Variants in ASAH1 observed in about 807,000 individuals in gnomAD.
ASAH1 encodes N-acylsphingosine amidohydrolase 1, also known as acid ceramidase.
Under a neutral mutation model 59.5 loss-of-function variants are expected in ASAH1, and 70 were observed. The observed-to-expected ratio is 1.18, with a 90% CI of 0.97 to 1.43. The LOEUF is 1.43. Ranked by LOEUF, ASAH1 falls within the 40% of genes most tolerant of loss-of-function variation. The probability of loss-of-function intolerance (pLI) is 0.00; values close to 1 mark genes in which losing one functional copy is unlikely to be tolerated. For missense variants in ASAH1, 660 were observed against 482.5 expected (o/e 1.37, Z -3.45); for synonymous variants, 213 against 166.5 (o/e 1.28, Z -2.15).
chr8:18,077,094 C>T (rs1039431838), intron 1 of ASAH1, among the ~76,000 whole-genome samples: 1 of 152,204 alleles, frequency 6.6e-6, no homozygotes, highest in Non-Finnish European at 1.5e-5. Context: ...AACTTTACAG[C>T]TAGCAAGCTA....
chr8:18,070,006 C>T (rs1800095210), intron 3 of ASAH1, 128 bp from the exon 4 acceptor site: 3 of 617,452 alleles, frequency 4.9e-6, no homozygotes, highest in Non-Finnish European at 8.2e-6. Context: ...TTTAAAACAG[C>T]ATCTCGCTCT....
intron 2 of ASAH1, among the ~76,000 whole-genome samples, chr8:18,071,703 C>T (rs1800185123): frequency 8.1e-6 from 1 of 123,524 alleles, no homozygotes; most frequent in South Asian, 2.8e-4. Flanking sequence ...AAATACCTGC[C>T]ATTTTTTTTT....
At chr8:18,073,687 G>A (rs974165744) in intron 2 of ASAH1, among the ~76,000 whole-genome samples, 4 of 152,206 alleles carry the variant, frequency 2.6e-5, no homozygotes, top group Non-Finnish European at 5.9e-5. Flanking sequence ...GCCCATGGAT[G>A]CTGCCCAAAT....
At chr8:18,074,813 C>T (rs1192338611) in intron 2 of ASAH1, among the ~76,000 whole-genome samples, 2 of 152,148 alleles carry the variant, frequency 1.3e-5, no homozygotes, top group Non-Finnish European at 2.9e-5. Context: ...TTTGTTGTGC[C>T]AAGGTTTATT....
chr8:18,076,701 G>C (rs1168536632), intron 1 of ASAH1: 1 of 152,146 alleles, frequency 6.6e-6, no homozygotes, highest in African/African-American at 2.4e-5. Context: ...ACTGTAGCTT[G>C]AGCTCAGAAA....
At chr8:18,078,974 C>G (rs1361089439) in intron 1 of ASAH1, among the ~76,000 whole-genome samples, 2 of 152,020 alleles carry the variant, frequency 1.3e-5, no homozygotes, top group Non-Finnish European at 2.9e-5. Context: ...TCTGATATTT[C>G]AATGCATTTG....
chr8:18,057,690 A>G (rs1799530501), intron 13 of ASAH1, 67 bp from the exon 14 acceptor site: 3 of 1,088,230 alleles, frequency 2.8e-6, no homozygotes, highest in Admixed American at 2.1e-5. Flanking sequence ...ATATATTAGC[A>G]TTTCTATACT....
At chr8:18,080,801 G>A (rs1462056734) in intron 1 of ASAH1, among the ~76,000 whole-genome samples, 1 of 152,096 alleles carries the variant, frequency 6.6e-6, no homozygotes, top group Non-Finnish European at 1.5e-5. Context: ...CACGTGATCT[G>A]CCCACCTTGG....
At position 18,071,289 on chromosome 8, in the gene ASAH1, T is replaced by G; in HGVS notation, c.216+11A>C. 1 of 1,489,156 alleles carries G rather than the reference T, an allele frequency of 6.7e-7. No homozygotes were observed. The highest frequency in any genetic ancestry group is 2.3e-5 in the East Asian group (1 of 43,792). 92.2% of individuals were successfully genotyped at this position (1,489,156 alleles called of 1,614,324 possible). A position where few individuals can be genotyped will look rare whatever the true frequency, so the allele number is the denominator to read the frequency against. On this transcript the variant is annotated intron_variant, in intron 3 of 13. Coordinates refer to ENST00000637790, the MANE Select transcript of ASAH1 (RefSeq NM_177924.5). ...AATAAAGAAATAAAAGATTTAAGCA[T>G]CATAGCATACCACTGGTGCCTTGTC...
At chr8:18,058,367 T>C (rs543462053) in intron 13 of ASAH1, 170 of 163,418 alleles carry the variant, frequency 1.0e-3, no homozygotes, top group Non-Finnish European at 1.6e-3. Context: ...CAGGGAATGA[T>C]TGTTAGCGAG....
In ASAH1 at chr8:18,062,105, T is replaced by C. The variant is rs930944975; in HGVS notation, c.648+174A>G. The stretch of plus-strand genomic sequence containing the variant: ...AAGAGGCTCAGAAACCTCCGTTTCC[T>C]TTCTACTCTTCTCTACCACGAGATC... On this transcript the variant is annotated intron_variant, in intron 8 of 13. Transcript: ENST00000637790. 1.6e-5 allele frequency: 14 copies of C among 860,758 alleles called. No homozygotes were observed. In the African/African-American group the frequency reaches 2.4e-4, roughly 15 times the overall value. 53.3% of individuals were successfully genotyped at this position (860,758 alleles called of 1,614,324 possible). A position where few individuals can be genotyped will look rare whatever the true frequency, so the allele number is the denominator to read the frequency against.
Position 18,084,002 on chromosome 8 carries a change from G to T in ASAH1, c.57C>A (p.Ala19=), listed in dbSNP as rs777754989. The T allele has an allele frequency of 6.3e-6, 10 of 1,598,096 alleles. No individual in the cohort carries two copies. Among genetic ancestry groups the T allele is most frequent in the African/African-American group, 5.3e-5 (4 of 74,920 alleles). Reference sequence around the variant, plus strand: ...TCACCGGCGGCGCGTGCTGCGCGACGGCACAGCTGACGGCGGCAGCCAGGA... The same window carrying T: ...TCACCGGCGGCGCGTGCTGCGCGACTGCACAGCTGACGGCGGCAGCCAGGA... The part of the protein sequence containing the change: ...LVLLAAAVSC[A]VAQHAPPWTE... The change falls in exon 1 of 14, where the codon GCC becomes GCA. Residue 19 remains alanine (A), a synonymous_variant. Coordinates refer to ENST00000637790, the MANE Select transcript of ASAH1 (RefSeq NM_177924.5).
chr8:18,071,372 TG>T lies in ASAH1; in HGVS notation c.143del (p.Pro48HisfsTer5). The T allele has an allele frequency of 6.3e-7, 1 of 1,598,248 alleles. No individual in the cohort carries two copies. Among genetic ancestry groups the T allele is most frequent in the East Asian group, 2.2e-5 (1 of 44,748 alleles). The part of the protein sequence containing the change: ...PSGPTYRGAV[P>X]WYTINLDLPP... ...GTAAGTCAAGATTTATGGTGTACCA[TG>T]GAACTGCACCTCTGTACCTGTAATG... is the stretch of plus-strand genomic sequence containing the variant. On this transcript the variant is annotated frameshift_variant, in exon 3 of 14. Transcript: ENST00000637790. LOFTEE classifies it high-confidence loss of function.
intron 13 of ASAH1, 162 bp downstream of exon 13, chr8:18,058,673 A>T: frequency 4.6e-6 from 3 of 652,528 alleles, no homozygotes. Context: ...CTTGTATTCC[A>T]AAATACAGTT....
chr8:18,063,976 G>T, intron 6 of ASAH1: 1 of 191,834 alleles, frequency 5.2e-6, no homozygotes, highest in Non-Finnish European at 1.1e-5. Flanking sequence ...GGGTGAGTTA[G>T]CGAAGTTGTC....
intron 13 of ASAH1, 187 bp downstream of exon 13, chr8:18,058,648 G>C (rs1799565241): frequency 4.9e-6 from 3 of 614,186 alleles, no homozygotes; most frequent in Non-Finnish European, 8.6e-6. Context: ...TCAAGCCTCA[G>C]TGATCAATTT....
At position 18,059,563 on chromosome 8, in the gene ASAH1, C is replaced by G. The variant is rs201082114; in HGVS notation, c.917+9G>C. ...TTTCTACTTCTTTTGCTTTAACAAACCTACTTACTCATATACATCCAATGA... is the reference window on the plus strand; with the variant it reads ...TTTCTACTTCTTTTGCTTTAACAAAGCTACTTACTCATATACATCCAATGA... On this transcript the variant is annotated intron_variant, in intron 11 of 13. Transcript: ENST00000637790. The G allele has an allele frequency of 6.2e-7, 1 of 1,614,170 alleles. No homozygotes were observed. Among genetic ancestry groups the G allele is most frequent in the African/African-American group, 1.3e-5 (1 of 75,036 alleles).
chr8:18,067,131 C>CACCTGTGCTGTATATCTAAGACATACAGT, intron 5 of ASAH1, 89 bp downstream of exon 5: 1 of 568,108 alleles, frequency 1.8e-6, no homozygotes, highest in Non-Finnish European at 2.4e-6. Flanking sequence ...AGACATACAG[C>CACCTGTGCTGTATATCTAAGACATACAGT]ACCTGTGCTG....
chr8:18,084,377 C>T, upstream of ASAH1: 2 of 1,404,062 alleles, frequency 1.4e-6, no homozygotes, highest in Non-Finnish European at 9.3e-7. Context: ...AGCCGGAGCC[C>T]CGCCCCGTAG....
Sources: allele counts gnomAD v4.1 joint callset (sites outside exome capture counted in the v4.1 genomes callset), GRCh38; gene constraint gnomAD v4.1.1; transcripts MANE v1.5; gene names NCBI Gene and HGNC (gene_info 2026-07-23, HGNC 2026-07-21).